Variants in EVA1C observed in about 807,000 individuals in gnomAD.
EVA1C encodes the protein eva-1 homolog C.
A neutral mutation model predicts 45.4 loss-of-function variants in EVA1C; 25 were observed. That is an observed-to-expected ratio of 0.55 (90% CI 0.40 to 0.77). The LOEUF (loss-of-function observed/expected upper bound fraction) is 0.77. Among genes scored for constraint, EVA1C ranks in the 30% least tolerant of loss-of-function variants. The pLI is 0.00. For synonymous variants in EVA1C, 190 were observed against 221.2 expected, an observed-to-expected ratio of 0.86 and a Z score of 1.25; for missense variants, 479 against 554.8, an observed-to-expected ratio of 0.86 and a Z score of 1.37.
intron 4 of EVA1C, among the ~76,000 whole-genome samples, chr21:32,494,455 A>G (rs2037273548): frequency 6.6e-6 from 1 of 152,248 alleles, no homozygotes; most frequent in Admixed American, 6.5e-5. Flanking sequence ...TAACCAGTGC[A>G]AAATGAAAAT....
intron 1 of EVA1C, among the ~76,000 whole-genome samples, chr21:32,434,157 A>G (rs768283897): frequency 5.3e-4 from 81 of 151,976 alleles, no homozygotes; most frequent in Non-Finnish European, 1.0e-3. Context: ...TTAGCTGGGC[A>G]TAGTGGCGGG....
At chr21:32,486,037 T>C (rs2036962091) in intron 4 of EVA1C, among the ~76,000 whole-genome samples, 1 of 152,238 alleles carries the variant, frequency 6.6e-6, no homozygotes, top group Non-Finnish European at 1.5e-5. Context: ...CTTTTAGAAG[T>C]TGGCTCTGGC....
At chr21:32,427,100 T>G (rs1190083588) in intron 1 of EVA1C, among the ~76,000 whole-genome samples, 2 of 152,186 alleles carry the variant, frequency 1.3e-5, no homozygotes, top group Non-Finnish European at 2.9e-5. Flanking sequence ...TCCTGCTCAC[T>G]TTGGTGCCAT....
intron 4 of EVA1C, among the ~76,000 whole-genome samples, chr21:32,478,732 G>A (rs989540171): frequency 6.6e-5 from 10 of 152,206 alleles, no homozygotes; most frequent in African/African-American, 2.4e-4. Flanking sequence ...GCCTGAGGCC[G>A]CCAGGCTTCA....
At chr21:32,448,559 T>C (rs894242605) in intron 1 of EVA1C, among the ~76,000 whole-genome samples, 1 of 151,342 alleles carries the variant, frequency 6.6e-6, no homozygotes, top group Admixed American at 6.6e-5. Flanking sequence ...GTGATAAGGA[T>C]TTTTTTTTCC....
chr21:32,427,176 T>C (rs1410041053), intron 1 of EVA1C, among the ~76,000 whole-genome samples: 1 of 152,206 alleles, frequency 6.6e-6, no homozygotes, highest in Non-Finnish European at 1.5e-5. Flanking sequence ...GGACACCCTT[T>C]TAATAAAAAG....
chr21:32,504,720 T>C (rs1338708686), intron 7 of EVA1C, among the ~76,000 whole-genome samples: 1 of 152,222 alleles, frequency 6.6e-6, no homozygotes, highest in Non-Finnish European at 1.5e-5. Flanking sequence ...AAATACATGT[T>C]AATATAATAC....
intron 2 of EVA1C, among the ~76,000 whole-genome samples, chr21:32,455,385 C>G (rs2035741952): frequency 6.6e-6 from 1 of 152,204 alleles, no homozygotes; most frequent in African/African-American, 2.4e-5. Context: ...CTAATCACCT[C>G]TTAAAGACTC....
chr21:32,477,696 T>C (rs1020587576), intron 4 of EVA1C, among the ~76,000 whole-genome samples: 131 of 82,672 alleles, frequency 1.6e-3, no homozygotes, highest in Non-Finnish European at 2.5e-3. Flanking sequence ...AGCCATACGC[T>C]CTCACCTCCC....
Position 32,507,555 on chromosome 21 carries a change from C to CACGT in EVA1C, c.949+3540_949+3541insACGT, listed in dbSNP as rs56080845. ...GTGCATGTGTGCGTCTGTATGTATG[C>CACGT]GTGTTTTTGTGTGTGCATGTGTATA... On this transcript the variant is annotated intron_variant, in intron 7 of 7. Coordinates refer to ENST00000300255, the MANE Select transcript of EVA1C (RefSeq NM_058187.5). Among the ~76,000 whole-genome samples, 117 of 148,002 alleles carry CACGT rather than the reference C, an allele frequency of 7.9e-4. 1 individual carries two copies. The highest frequency in any genetic ancestry group is 2.8e-3 in the African/African-American group (114 of 40,644).
intron 3 of EVA1C, among the ~76,000 whole-genome samples, chr21:32,459,809 C>A (rs959464572): frequency 6.8e-6 from 1 of 148,126 alleles, no homozygotes. Flanking sequence ...CCATTGCACT[C>A]CAGCCTGGGT....
At chr21:32,505,356 A>G (rs572590486) in intron 7 of EVA1C, among the ~76,000 whole-genome samples, 1 of 152,138 alleles carries the variant, frequency 6.6e-6, no homozygotes, top group Non-Finnish European at 1.5e-5. Context: ...ATCATTGTCA[A>G]TGTTAAGAAC....
intron 1 of EVA1C, among the ~76,000 whole-genome samples, chr21:32,423,070 C>CAAAAATAAAAAAAA (rs2034347557): frequency 1.2e-5 from 1 of 85,626 alleles, no homozygotes; most frequent in African/African-American, 4.6e-5. Flanking sequence ...GACTCTGTCT[C>CAAAAATAAAAAAAA]AAAAAAAAAA....
chr21:32,412,721 G>A lies in EVA1C; in HGVS notation c.-133G>A. 1.0e-6 allele frequency: 1 copy of A among 960,350 alleles called. No homozygotes were observed. The highest frequency in any genetic ancestry group is 1.4e-6 in the Non-Finnish European group (1 of 717,534). The allele number at this position is 960,350 out of a possible 1,614,324, so 59.5% of individuals were successfully genotyped here. On this transcript the variant is annotated 5_prime_UTR_variant, in exon 1 of 8. Coordinates refer to ENST00000300255, the MANE Select transcript of EVA1C (RefSeq NM_058187.5). ...CCGCGCAGGGGAGGAGGCTCTGGCA[G>A]CCTGGGCAGGGAGGCGGCGGGGGGC...
At chr21:32,481,444 C>T (rs1601385758) in intron 4 of EVA1C, among the ~76,000 whole-genome samples, 1 of 130,628 alleles carries the variant, frequency 7.7e-6, no homozygotes, top group African/African-American at 3.0e-5. Context: ...CAGCTCAAAA[C>T]CCCAAATAAA....
At chr21:32,511,863 T>A (rs2146477445) in intron 7 of EVA1C, among the ~76,000 whole-genome samples, 1 of 152,138 alleles carries the variant, frequency 6.6e-6, no homozygotes, top group East Asian at 1.9e-4. Context: ...CTCACGATCA[T>A]CCACAAAAGC....
intron 4 of EVA1C, among the ~76,000 whole-genome samples, chr21:32,485,327 C>T (rs546744577): frequency 6.6e-6 from 1 of 152,282 alleles, no homozygotes; most frequent in Admixed American, 6.5e-5. Context: ...ACCACCACAC[C>T]TGGCTAATTT....
At chr21:32,507,544 CTG>C (rs1363418227) in intron 7 of EVA1C, among the ~76,000 whole-genome samples, 1 of 106,992 alleles carries the variant, frequency 9.3e-6, no homozygotes, top group Admixed American at 9.3e-5. Context: ...ATGTGTGCGT[CTG>C]TATGTATGCG....
chr21:32,510,043 CTTTTTTTTTT>C (rs58017017), intron 7 of EVA1C, among the ~76,000 whole-genome samples: 3 of 114,532 alleles, frequency 2.6e-5, no homozygotes, highest in Non-Finnish European at 3.5e-5. Context: ...TCCGACATTC[CTTTTTTTTTT>C]TTTTTTTTTT....
Sources: gnomAD v4.1 joint callset for allele counts (sites outside exome capture counted in the v4.1 genomes callset) on GRCh38, gnomAD v4.1.1 for gene constraint, MANE v1.5 for transcripts, NCBI Gene and HGNC (gene_info 2026-07-23, HGNC 2026-07-21) for gene names.